The following DNAJC16 variants were observed in gnomAD, a reference collection of about 807,000 sequenced individuals.
DNAJC16 encodes DnaJ heat shock protein family (Hsp40) member C16, also known as dnaJ homolog subfamily C member 16.
DNAJC16 carries 76 observed loss-of-function variants against 92.7 expected under a neutral mutation model. The observed-to-expected ratio is 0.82, with a 90% CI of 0.68 to 0.99. The LOEUF (loss-of-function observed/expected upper bound fraction) is 0.99. DNAJC16 is among the 50% of genes least tolerant of loss of function. The pLI is 0.00. For missense variants in DNAJC16, 869 were observed against 942.4 expected, an observed-to-expected ratio of 0.92 and a Z score of 1.02; for synonymous variants, 328 against 358.7, an observed-to-expected ratio of 0.91 and a Z score of 0.97.
intron 7 of DNAJC16, among the ~76,000 whole-genome samples, chr1:15,550,593 A>G (rs1638422475): frequency 6.6e-6 from 1 of 152,230 alleles, no homozygotes; most frequent in Non-Finnish European, 1.5e-5. Flanking sequence ...ACCTAAGTAC[A>G]GAGTTCTCTA....
intron 7 of DNAJC16, among the ~76,000 whole-genome samples, chr1:15,557,900 C>A (rs1638602343): frequency 6.6e-6 from 1 of 151,684 alleles, no homozygotes; most frequent in African/African-American, 2.4e-5. Context: ...GCCCAGCTAA[C>A]AACTTTTTTT....
intron 4 of DNAJC16, among the ~76,000 whole-genome samples, chr1:15,539,514 G>A (rs1710880951): frequency 6.6e-6 from 1 of 151,826 alleles, no homozygotes; most frequent in Non-Finnish European, 1.5e-5. Flanking sequence ...CCAAAGTGCT[G>A]GGATTACAGG....
chr1:15,567,048 G>A (rs774242208), intron 13 of DNAJC16, 51 bp from the exon 14 acceptor site: 13 of 1,536,004 alleles, frequency 8.5e-6, no homozygotes, highest in Non-Finnish European at 1.1e-5. Flanking sequence ...TCAAAGTAAC[G>A]GCTTTCCCCC....
At chr1:15,534,200 T>C (rs779791059) in intron 2 of DNAJC16, 37 bp from the exon 3 acceptor site, 1 of 1,611,740 alleles carries the variant, frequency 6.2e-7, no homozygotes, top group Non-Finnish European at 8.5e-7. Flanking sequence ...CATTAAAAGT[T>C]ACATCCTTTC....
Position 15,568,137 on chromosome 1 carries a change from T to C in DNAJC16, c.2309T>C (p.Leu770Ser), listed in dbSNP as rs1471292462. 1.2e-6 allele frequency: 2 copies of C among 1,613,894 alleles called. No individual in the cohort carries two copies. Among genetic ancestry groups the C allele is most frequent in the Non-Finnish European group, 1.7e-6 (2 of 1,179,922 alleles). ...LWMERLLEGSLQRFYIPSWPE... is the reference protein window; with the variant it reads ...LWMERLLEGSSQRFYIPSWPE... ...ATGGAACGCCTGCTGGAGGGCTCCT[T>C]ACAGAGGTTTTATATCCCATCATGG... Residue 770 changes from leucine to serine, a missense_variant, in exon 15 of 15, where the codon TTA becomes TCA. Leu to Ser is a moderately radical substitution (Grantham distance 145). Coordinates refer to ENST00000375847, the MANE Select transcript of DNAJC16 (RefSeq NM_015291.4).
At chr1:15,559,456 G>A (rs970570220) in intron 7 of DNAJC16, 70 bp from the exon 8 acceptor site, 20 of 1,592,470 alleles carry the variant, frequency 1.3e-5, no homozygotes, top group Non-Finnish European at 1.6e-5. Context: ...AAGCTGGTAA[G>A]TAAAGAAAGC....
rs767685448 is a variant in DNAJC16, at chr1:15,546,864, T to C, written c.857T>C (p.Leu286Ser). The change falls in exon 6 of 15, where the codon TTA (leucine) becomes TCA (serine). Residue 286 changes from leucine (L) to serine (S), a missense_variant. Coordinates refer to ENST00000375847, the MANE Select transcript of DNAJC16 (RefSeq NM_015291.4). ...GACCAAACGCCCATTGTGCCACTGT[T>C]ATACAAGGTACTTTCTATGCTAGGA... ...LFDQTPIVPL[L>S]YKLTAFAYKD... 1 of 1,607,738 alleles carries C rather than the reference T, an allele frequency of 6.2e-7. No individual in the cohort carries two copies. Among genetic ancestry groups the C allele is most frequent in the East Asian group, 2.2e-5 (1 of 44,834 alleles).
rs1483095591 is a variant in DNAJC16 at position 15,568,930 on chromosome 1, T to C, written c.*753T>C. ...GCTGCTGGTAGCCAGGGGAGGGGTC[T>C]GCACAGCGAGAAGTACTGTGATGAC... is the stretch of plus-strand genomic sequence containing the variant. On this transcript the variant is annotated 3_prime_UTR_variant, in exon 15 of 15. Transcript: ENST00000375847. 2.6e-6 allele frequency: 1 copy of C among 383,538 alleles called. No individual in the cohort carries two copies. Among genetic ancestry groups the C allele is most frequent in the Non-Finnish European group, 4.6e-6 (1 of 216,448 alleles). The allele number at this position is 383,538 out of a possible 1,614,324, so 23.8% of individuals were successfully genotyped here. A position where few individuals can be genotyped will look rare whatever the true frequency, so the allele number is the denominator to read the frequency against.
At chr1:15,542,744 T>C (rs922660613) in intron 4 of DNAJC16, among the ~76,000 whole-genome samples, 1 of 152,170 alleles carries the variant, frequency 6.6e-6, no homozygotes, top group African/African-American at 2.4e-5. Context: ...TGATACCCAA[T>C]TGGTGTCTGC....
intron 2 of DNAJC16, among the ~76,000 whole-genome samples, chr1:15,531,115 A>G (rs1475071642): frequency 1.3e-5 from 2 of 152,122 alleles, no homozygotes; most frequent in Non-Finnish European, 2.9e-5. Context: ...TCATTTACAC[A>G]TCTAGGCATG....
chr1:15,538,153 T>C (rs1019104830), intron 4 of DNAJC16, among the ~76,000 whole-genome samples: 4 of 152,060 alleles, frequency 2.6e-5, no homozygotes, highest in Non-Finnish European at 5.9e-5. Context: ...TCCCAACACT[T>C]TGGGAGGCTG....
At position 15,559,509 on chromosome 1, in the gene DNAJC16, T is replaced by C; in HGVS notation, c.1024-17T>C. ...GAACACTGCATAAAATCTAGCTGAT[T>C]CTTGGTTTTTCTCTAGGCCCGAGGT... On this transcript the variant is annotated splice_polypyrimidine_tract_variant and intron_variant, in intron 7 of 14. Transcript: ENST00000375847. 1.2e-6 allele frequency: 2 copies of C among 1,613,716 alleles called. No homozygotes were observed. The highest frequency in any genetic ancestry group is 1.7e-6 in the Non-Finnish European group (2 of 1,179,746).
At position 15,568,857 on chromosome 1, in the gene DNAJC16, C is replaced by T. The variant is rs748035991; in HGVS notation, c.*680C>T. 1.3e-5 allele frequency: 5 copies of T among 396,622 alleles called. No homozygotes were observed. The highest frequency in any genetic ancestry group is 2.2e-5 in the Non-Finnish European group (5 of 225,126). 24.6% of individuals were successfully genotyped at this position (396,622 alleles called of 1,614,324 possible). A position where few individuals can be genotyped will look rare whatever the true frequency, so the allele number is the denominator to read the frequency against. ...AAGGGAGGCTGAGCAGTGGCTGAAG[C>T]GATGCAGCCTTGAGACACGCTGTGA... is the stretch of plus-strand genomic sequence containing the variant. On this transcript the variant is annotated 3_prime_UTR_variant, in exon 15 of 15. Coordinates refer to ENST00000375847, the MANE Select transcript of DNAJC16 (RefSeq NM_015291.4).
At chr1:15,529,695 T>A (rs909147873) in intron 2 of DNAJC16, among the ~76,000 whole-genome samples, 3 of 151,900 alleles carry the variant, frequency 2.0e-5, no homozygotes, top group Non-Finnish European at 4.4e-5. Flanking sequence ...TTCTACACTT[T>A]GAAAAAAAGT....
At chr1:15,558,101 C>T (rs1479015334) in intron 7 of DNAJC16, among the ~76,000 whole-genome samples, 1 of 150,936 alleles carries the variant, frequency 6.6e-6, no homozygotes, top group Non-Finnish European at 1.5e-5. Flanking sequence ...GAACTCCTGA[C>T]CTCAAGTGAT....
At chr1:15,559,293 G>GA (rs1037079032) in intron 7 of DNAJC16, among the ~76,000 whole-genome samples, 1 of 152,128 alleles carries the variant, frequency 6.6e-6, no homozygotes, top group African/African-American at 2.4e-5. Flanking sequence ...TTCTCCAGTG[G>GA]AAAGTGTACT....
chr1:15,529,399 T>C (rs1160320910), intron 2 of DNAJC16, 127 bp downstream of exon 2: 19 of 957,612 alleles, frequency 2.0e-5, no homozygotes, highest in African/African-American at 5.0e-5. Context: ...GTCTAAAATA[T>C]TTTACGCAGG....
intron 5 of DNAJC16, 26 bp from the exon 6 acceptor site, chr1:15,546,741 G>A: frequency 4.6e-6 from 7 of 1,526,586 alleles, no homozygotes; most frequent in Non-Finnish European, 6.3e-6. Context: ...TAAATATTGA[G>A]ACTAACATTC....
chr1:15,554,083 G>A (rs1168079838), intron 7 of DNAJC16, among the ~76,000 whole-genome samples: 1 of 152,054 alleles, frequency 6.6e-6, no homozygotes. Context: ...CACACCTGAA[G>A]TTCCAGCTAC....
Sources: gnomAD v4.1 joint callset for allele counts (sites outside exome capture counted in the v4.1 genomes callset) on GRCh38, gnomAD v4.1.1 for gene constraint, MANE v1.5 for transcripts, NCBI Gene and HGNC (gene_info 2026-07-23, HGNC 2026-07-21) for gene names.